The following PIK3C2G variants were observed in gnomAD, a reference collection of about 807,000 sequenced individuals.
The protein encoded by PIK3C2G is phosphatidylinositol 3-kinase C2 domain-containing subunit gamma.
Under a neutral mutation model 181.1 loss-of-function variants are expected in PIK3C2G, and 168 were observed. The ratio of observed to expected loss-of-function variants is 0.93; its 90% CI spans 0.82 to 1.05. The LOEUF (loss-of-function observed/expected upper bound fraction) is 1.05, where lower values mean the gene tolerates loss of function less well. PIK3C2G is among the 50% of genes least tolerant of loss of function. PIK3C2G has a pLI of 0.00. For synonymous variants in PIK3C2G, 573 were observed against 592.2 expected (o/e 0.97, Z 0.47); for missense variants, 1,869 against 1,732.8 (o/e 1.08, Z -1.40).
At chr12:18,563,576 T>G in intron 28 of PIK3C2G, 78 bp downstream of exon 28, 1 of 1,390,628 alleles carries the variant, frequency 7.2e-7, no homozygotes, top group Admixed American at 1.9e-5. Context: ...GTTATGGGAT[T>G]TTCTATTTGT....
intron 29 of PIK3C2G, among the ~76,000 whole-genome samples, chr12:18,594,176 T>C (rs548007583): frequency 3.3e-5 from 5 of 151,832 alleles, no homozygotes; most frequent in Admixed American, 6.6e-5. Context: ...TTTTCGAAAA[T>C]TGAGATGTGA....
At position 18,636,138 on chromosome 12, in the gene PIK3C2G, T is replaced by C. The variant is rs888597382; in HGVS notation, c.4183-4291T>C. 5.9e-5 allele frequency among the ~76,000 whole-genome samples: 9 copies of C among 152,176 alleles called. No homozygotes were observed. In the East Asian group the frequency reaches 1.4e-3, roughly 23 times the overall value. On this transcript the variant is annotated intron_variant, in intron 31 of 32. Coordinates refer to ENST00000538779, the MANE Select transcript of PIK3C2G (RefSeq NM_001288772.2). ...TAAATTATGACATAGAGCTGGAGAG[T>C]TGATGTACCCCTGAGGTAGGACAGT...
At chr12:18,616,342 G>A (rs911313838) in intron 31 of PIK3C2G, among the ~76,000 whole-genome samples, 1 of 152,118 alleles carries the variant, frequency 6.6e-6, no homozygotes, top group Non-Finnish European at 1.5e-5. Flanking sequence ...TATTAAATAA[G>A]CAAATGTTTG....
At chr12:18,477,579 A>G (rs1278745756) in intron 18 of PIK3C2G, among the ~76,000 whole-genome samples, 1 of 152,176 alleles carries the variant, frequency 6.6e-6, no homozygotes, top group East Asian at 1.9e-4. Flanking sequence ...TTTCTTACTG[A>G]GTTTCCAAAA....
At chr12:18,694,314 CACAA>C in the PIK3C2G span, among the ~76,000 whole-genome samples, 8 of 152,114 alleles carry the variant, frequency 5.3e-5, no homozygotes, top group Admixed American at 1.3e-4. Context: ...CGCGCTCTTT[CACAA>C]ACAAACAAAC....
rs1949938867 is a variant in PIK3C2G at position 18,296,318 on chromosome 12, G to A, written c.1034+2303G>A. Among the ~76,000 whole-genome samples the A allele has an allele frequency of 2.6e-5, 4 of 152,208 alleles. No homozygotes were observed. The South Asian group carries it at 6.2e-4, about 24-fold the overall frequency. The stretch of plus-strand genomic sequence containing the variant: ...CTTTAAAGTGTCACCTGAGGATGTT[G>A]TTAGAAAAAGAATTCTGATTTCAGT... On this transcript the variant is annotated intron_variant, in intron 5 of 32. Coordinates refer to ENST00000538779, the MANE Select transcript of PIK3C2G (RefSeq NM_001288772.2).
At chr12:18,419,205 T>C (rs1356995541) in intron 16 of PIK3C2G, among the ~76,000 whole-genome samples, 1 of 152,172 alleles carries the variant, frequency 6.6e-6, no homozygotes, top group East Asian at 1.9e-4. Flanking sequence ...AATAAACACA[T>C]AGTTAAAGAT....
At chr12:18,411,001 C>T (rs537511986) in intron 16 of PIK3C2G, among the ~76,000 whole-genome samples, 89 of 152,194 alleles carry the variant, frequency 5.8e-4, no homozygotes, top group African/African-American at 2.1e-3. Context: ...TATGCAAGTC[C>T]ATATACTATC....
Position 18,503,261 on chromosome 12 carries a change from A to G in PIK3C2G, c.3017-20A>G, listed in dbSNP as rs762145219. On this transcript the variant is annotated intron_variant, in intron 22 of 32. Transcript: ENST00000538779. ...TTGTGATGAAGGAATTGTCTCTGTA[A>G]TCTTTTTTTTCTCTACCAGGATTGG... The G allele has an allele frequency of 1.3e-6, 2 of 1,576,158 alleles. No homozygotes were observed. Among genetic ancestry groups the G allele is most frequent in the East Asian group, 2.3e-5 (1 of 43,786 alleles).
the PIK3C2G span, chr12:18,693,721 G>T: frequency 6.4e-7 from 1 of 1,551,262 alleles, no homozygotes; most frequent in African/African-American, 1.4e-5. Context: ...TGCTGAACCA[G>T]TTGGATGGAT....
At chr12:18,552,044 T>C (rs1373820204) in intron 26 of PIK3C2G, among the ~76,000 whole-genome samples, 2 of 152,098 alleles carry the variant, frequency 1.3e-5, no homozygotes, top group Non-Finnish European at 1.5e-5. Flanking sequence ...AACTTTGAGC[T>C]GTGAGGGAAG....
intron 1 of PIK3C2G, among the ~76,000 whole-genome samples, chr12:18,263,751 T>C (rs1324304171): frequency 2.0e-5 from 3 of 152,192 alleles, no homozygotes; most frequent in African/African-American, 7.2e-5. Context: ...GATACCTTTT[T>C]CGTCTTTTAA....
chr12:18,375,892 G>A (rs1942402482), intron 13 of PIK3C2G, among the ~76,000 whole-genome samples: 1 of 152,210 alleles, frequency 6.6e-6, no homozygotes, highest in Admixed American at 6.5e-5. Flanking sequence ...TAAGGTGCAA[G>A]CTACAATCCT....
chr12:18,594,577 A>G lies in PIK3C2G; in HGVS notation c.4087+8A>G, dbSNP rs1055873063. The G allele has an allele frequency of 2.8e-6, 4 of 1,435,374 alleles. No individual in the cohort carries two copies. The East Asian group carries it at 1.0e-4, about 36-fold the overall frequency. The allele number at this position is 1,435,374 out of a possible 1,614,324, so 88.9% of individuals were successfully genotyped here. ...CATCACCTGTGTACCTAGGTAAGTA[A>G]ATTTGTCATTATATTACGTACAGTG... On this transcript the variant is annotated splice_region_variant and intron_variant, in intron 30 of 32. Coordinates refer to ENST00000538779, the MANE Select transcript of PIK3C2G (RefSeq NM_001288772.2).
chr12:18,638,825 C>T (rs1206516109), intron 31 of PIK3C2G, among the ~76,000 whole-genome samples: 1 of 151,738 alleles, frequency 6.6e-6, no homozygotes, highest in Non-Finnish European at 1.5e-5. Flanking sequence ...CATGTTTTAC[C>T]CACTAAGTTT....
upstream of PIK3C2G, among the ~76,000 whole-genome samples, chr12:18,245,012 T>C (rs1167581806): frequency 2.6e-5 from 4 of 152,102 alleles, no homozygotes; most frequent in Non-Finnish European, 5.9e-5. Flanking sequence ...TAAAGATGTA[T>C]TTTTATTCAC....
At chr12:18,540,224 A>G (rs1592530716) in intron 25 of PIK3C2G, among the ~76,000 whole-genome samples, 1 of 151,820 alleles carries the variant, frequency 6.6e-6, no homozygotes, top group Non-Finnish European at 1.5e-5. Flanking sequence ...GGAAGATAAA[A>G]TTTATTTACA....
At chr12:18,312,474 A>G (rs1467716995) in intron 5 of PIK3C2G, among the ~76,000 whole-genome samples, 1 of 152,164 alleles carries the variant, frequency 6.6e-6, no homozygotes, top group Non-Finnish European at 1.5e-5. Flanking sequence ...CAGAGCTCTT[A>G]GCATGGAAAA....
intron 29 of PIK3C2G, among the ~76,000 whole-genome samples, chr12:18,575,091 G>A (rs1448593185): frequency 6.6e-6 from 1 of 152,076 alleles, no homozygotes; most frequent in Non-Finnish European, 1.5e-5. Context: ...TAGGTCATAG[G>A]GGTCCTAAGC....
Sources: allele counts gnomAD v4.1 joint callset (sites outside exome capture counted in the v4.1 genomes callset), GRCh38; gene constraint gnomAD v4.1.1; transcripts MANE v1.5; gene names NCBI Gene and HGNC (gene_info 2026-07-23, HGNC 2026-07-21).